Variants in TMTC1 observed in about 807,000 individuals in gnomAD.
TMTC1 encodes the protein protein O-mannosyl-transferase TMTC1.
TMTC1 carries 73 observed loss-of-function variants against 104.8 expected under a neutral mutation model. That is an observed-to-expected ratio of 0.70 (90% CI 0.58 to 0.85). The LOEUF is 0.85. Among genes scored for constraint, TMTC1 ranks in the 40% least tolerant of loss-of-function variants. TMTC1 has a pLI of 0.00. For synonymous variants in TMTC1, 434 were observed against 428.7 expected, an observed-to-expected ratio of 1.01 and a Z score of -0.15; for missense variants, 1,035 against 1,096.1, an observed-to-expected ratio of 0.94 and a Z score of 0.79.
At chr12:29,515,842 T>C (rs1294323595) in intron 15 of TMTC1, among the ~76,000 whole-genome samples, 1 of 151,148 alleles carries the variant, frequency 6.6e-6, no homozygotes, top group Non-Finnish European at 1.5e-5. Flanking sequence ...CTTCATTGAG[T>C]CAGTTTATAA....
chr12:29,744,588 G>T (rs1942904528), intron 5 of TMTC1, among the ~76,000 whole-genome samples: 1 of 152,326 alleles, frequency 6.6e-6, no homozygotes, highest in East Asian at 1.9e-4. Flanking sequence ...GAAGCTTTCA[G>T]ATGAACTCAT....
chr12:29,673,515 C>CAT (rs1052597800), intron 5 of TMTC1, among the ~76,000 whole-genome samples: 1 of 152,044 alleles, frequency 6.6e-6, no homozygotes, highest in African/African-American at 2.4e-5. Context: ...CTAAGTGACT[C>CAT]ATTTTAAAAC....
chr12:29,523,447 A>T (rs961447828), intron 11 of TMTC1, among the ~76,000 whole-genome samples: 1 of 152,242 alleles, frequency 6.6e-6, no homozygotes, highest in Admixed American at 6.5e-5. Flanking sequence ...GCTGATTGGT[A>T]GGAGAGAAAT....
chr12:29,683,382 A>T (rs1259916126), intron 5 of TMTC1, among the ~76,000 whole-genome samples: 1 of 152,250 alleles, frequency 6.6e-6, no homozygotes, highest in African/African-American at 2.4e-5. Context: ...AAAGTAGAAG[A>T]AAGAAGATTT....
At chr12:29,593,247 T>C (rs1946327314) in intron 7 of TMTC1, among the ~76,000 whole-genome samples, 1 of 152,170 alleles carries the variant, frequency 6.6e-6, no homozygotes, top group African/African-American at 2.4e-5. Context: ...CATCAAAGAA[T>C]TGTTGTGTGG....
intron 5 of TMTC1, among the ~76,000 whole-genome samples, chr12:29,745,317 A>G (rs1347053792): frequency 6.6e-6 from 1 of 152,082 alleles, no homozygotes; most frequent in Admixed American, 6.6e-5. Flanking sequence ...ACGATGGTCA[A>G]TTCACTACAT....
intron 15 of TMTC1, 83 bp downstream of exon 15, chr12:29,516,266 A>G: frequency 6.7e-7 from 1 of 1,496,676 alleles, no homozygotes. Context: ...CAGGCTTATA[A>G]ACACGCAAAC....
chr12:29,699,487 C>A (rs997181615), intron 5 of TMTC1, among the ~76,000 whole-genome samples: 2 of 152,038 alleles, frequency 1.3e-5, no homozygotes, highest in South Asian at 4.1e-4. Context: ...CTTTGAATAC[C>A]ACATTGTTTT....
intron 16 of TMTC1, among the ~76,000 whole-genome samples, chr12:29,513,949 C>A (rs551574986): frequency 1.3e-5 from 2 of 152,224 alleles, no homozygotes; most frequent in African/African-American, 4.8e-5. Context: ...ATATGTGACA[C>A]TTTCAAACGA....
At chr12:29,534,120 T>G (rs1648510026) in intron 11 of TMTC1, 1 of 152,246 alleles carries the variant, frequency 6.6e-6, no homozygotes. Context: ...TTAAATAAAG[T>G]TGTGCAACCA....
chr12:29,662,707 CAT>C (rs1940091781), intron 5 of TMTC1, among the ~76,000 whole-genome samples: 1 of 149,766 alleles, frequency 6.7e-6, no homozygotes, highest in Non-Finnish European at 1.5e-5. Context: ...TTACAAAACA[CAT>C]GTGGCTCCTC....
chr12:29,558,250 T>G (rs1438891449), intron 9 of TMTC1, among the ~76,000 whole-genome samples: 1 of 152,182 alleles, frequency 6.6e-6, no homozygotes, highest in Non-Finnish European at 1.5e-5. Flanking sequence ...GAGCTGGCTT[T>G]TAATGTAGAA....
At chr12:29,520,504 A>T in intron 12 of TMTC1, 114 bp downstream of exon 12, 1 of 848,056 alleles carries the variant, frequency 1.2e-6, no homozygotes. Context: ...CAATAGTGTG[A>T]GCTTCCTGCC....
chr12:29,624,814 C>T (rs776067598), intron 6 of TMTC1, among the ~76,000 whole-genome samples: 3 of 152,122 alleles, frequency 2.0e-5, no homozygotes, highest in Admixed American at 2.0e-4. Context: ...ATCACAGCAA[C>T]CAAAAGGCAC....
At chr12:29,729,065 G>A (rs1032143833) in intron 5 of TMTC1, among the ~76,000 whole-genome samples, 10 of 149,060 alleles carry the variant, frequency 6.7e-5, no homozygotes, top group African/African-American at 2.5e-4. Flanking sequence ...GCAAAGCACA[G>A]ACTCTGGAGA....
chr12:29,580,666 C>T lies in TMTC1; in HGVS notation c.1418+2741G>A, dbSNP rs16934532. On this transcript the variant is annotated intron_variant, in intron 8 of 17. Coordinates refer to ENST00000539277, the MANE Select transcript of TMTC1 (RefSeq NM_001193451.2). ...ATCTCTAGAATTATTGTACATTTTTCTTACTCCACTCAGCTGGCTCCTGTT... is the reference window on the plus strand; with the variant it reads ...ATCTCTAGAATTATTGTACATTTTTTTTACTCCACTCAGCTGGCTCCTGTT... Among the ~76,000 whole-genome samples, 505 of 152,266 alleles carry T rather than the reference C, an allele frequency of 3.3e-3. 3 individuals are homozygous for T. Among genetic ancestry groups the T allele is most frequent in the South Asian group, 0.021 (103 of 4,814 alleles).
chr12:29,604,428 G>A, intron 6 of TMTC1, 129 bp from the exon 7 acceptor site: 1 of 1,270,814 alleles, frequency 7.9e-7, no homozygotes, highest in Non-Finnish European at 1.1e-6. Context: ...TAAACCTTTT[G>A]ACCGGCGTGC....
chr12:29,761,096 A>C (rs1008579349), intron 2 of TMTC1, among the ~76,000 whole-genome samples: 1 of 148,178 alleles, frequency 6.7e-6, no homozygotes, highest in African/African-American at 2.4e-5. Context: ...AATATATTAA[A>C]CCATATATTG....
chr12:29,680,675 G>A (rs1940884065), intron 5 of TMTC1, among the ~76,000 whole-genome samples: 2 of 152,284 alleles, frequency 1.3e-5, no homozygotes, highest in South Asian at 4.1e-4. Context: ...GGGCTTCCCT[G>A]AATGTGTTAA....
Sources: allele counts gnomAD v4.1 joint callset (sites outside exome capture counted in the v4.1 genomes callset), GRCh38; gene constraint gnomAD v4.1.1; transcripts MANE v1.5; gene names NCBI Gene and HGNC (gene_info 2026-07-23, HGNC 2026-07-21).